The following NAV2 variants were observed in gnomAD, a reference collection of about 807,000 sequenced individuals.
NAV2 encodes the protein helicase, APC down-regulated 1.
A neutral mutation model predicts 223.2 loss-of-function variants in NAV2; 54 were observed. The observed-to-expected ratio is 0.24, with a 90% CI of 0.19 to 0.30. The LOEUF is 0.30. Ranked by LOEUF, NAV2 falls within the 10% of genes least tolerant of loss-of-function variation. The probability of loss-of-function intolerance (pLI) is 1.00; values close to 1 mark genes in which losing one functional copy is unlikely to be tolerated. For missense variants in NAV2, 2,806 were observed against 3,147.5 expected (o/e 0.89, Z 2.60); for synonymous variants, 1,279 against 1,239.3 (o/e 1.03, Z -0.67).
At chr11:19,469,504 G>A (rs891722177) in intron 1 of NAV2, among the ~76,000 whole-genome samples, 13 of 152,066 alleles carry the variant, frequency 8.5e-5, no homozygotes, top group Admixed American at 3.3e-4. Flanking sequence ...TGATCCACCA[G>A]AACCATTTTC....
chr11:19,574,521 A>G (rs546415904), intron 1 of NAV2, among the ~76,000 whole-genome samples: 1 of 152,266 alleles, frequency 6.6e-6, no homozygotes, highest in East Asian at 1.9e-4. Context: ...GTAATGAGCC[A>G]TCTTCCCAGG....
rs1359523670 is a variant in NAV2, at chr11:19,616,335, T to C, written c.76-216149T>C. ...GTGTGTGTGTGTGTGTGTGTGTGTGTGCGCGCGCATGATCTGTGGCTCTCT... is the reference window on the plus strand; with the variant it reads ...GTGTGTGTGTGTGTGTGTGTGTGTGCGCGCGCGCATGATCTGTGGCTCTCT... On this transcript the variant is annotated intron_variant, in intron 1 of 37. Transcript: ENST00000360655. Among the ~76,000 whole-genome samples, 602 of 148,384 alleles carry C rather than the reference T, an allele frequency of 4.1e-3. 7 individuals carry two copies. Among genetic ancestry groups the C allele is most frequent in the African/African-American group, 0.014 (576 of 40,248 alleles).
chr11:19,426,758 G>T (rs1384915308), intron 1 of NAV2, among the ~76,000 whole-genome samples: 2 of 152,126 alleles, frequency 1.3e-5, no homozygotes, highest in Middle Eastern at 3.4e-3. Context: ...CACAACTGCT[G>T]TTTTGGCAGG....
chr11:20,090,440 A>ATG (rs1001214519), intron 26 of NAV2, among the ~76,000 whole-genome samples: 1 of 152,182 alleles, frequency 6.6e-6, no homozygotes, highest in Non-Finnish European at 1.5e-5. Context: ...CAAAGAAAGA[A>ATG]TGTAGAGAAT....
At chr11:19,797,285 C>T (rs1158589734) in intron 1 of NAV2, among the ~76,000 whole-genome samples, 1 of 152,166 alleles carries the variant, frequency 6.6e-6, no homozygotes, top group Admixed American at 6.5e-5. Flanking sequence ...ATTCCTGAAT[C>T]TCAGGTGGTT....
intron 1 of NAV2, among the ~76,000 whole-genome samples, chr11:19,720,636 G>A (rs1201330915): frequency 6.6e-6 from 1 of 152,206 alleles, no homozygotes. Flanking sequence ...AGCTACTCAT[G>A]GCAATGTGGC....
intron 10 of NAV2, among the ~76,000 whole-genome samples, chr11:19,977,976 G>GA (rs2049935788): frequency 2.1e-5 from 2 of 93,098 alleles, no homozygotes; most frequent in African/African-American, 5.8e-5. Flanking sequence ...AGCTCATTTT[G>GA]TTTTTTTTTG....
intron 6 of NAV2, among the ~76,000 whole-genome samples, chr11:19,923,639 T>C (rs891184872): frequency 1.3e-5 from 2 of 152,212 alleles, no homozygotes; most frequent in African/African-American, 4.8e-5. Context: ...AGGATGTATT[T>C]ACAATAGTGT....
At chr11:19,518,672 C>G (rs2043541544) in intron 1 of NAV2, 1 of 152,222 alleles carries the variant, frequency 6.6e-6, no homozygotes, top group Non-Finnish European at 1.5e-5. Context: ...TAACATTCCT[C>G]TCATCTGATA....
Position 19,436,633 on chromosome 11 carries a change from G to A in NAV2, c.75+85606G>A, listed in dbSNP as rs113786504. The stretch of plus-strand genomic sequence containing the variant: ...CTGTGAAAAATGACATTGGAATTTT[G>A]ATAGGGATTTCATTGAATCTATAGA... On this transcript the variant is annotated intron_variant, in intron 1 of 37. Transcript: ENST00000360655. 3.9e-3 allele frequency among the ~76,000 whole-genome samples: 591 copies of A among 152,200 alleles called. 6 individuals are homozygous for A. Among genetic ancestry groups the A allele is most frequent in the African/African-American group, 0.013 (554 of 41,536 alleles).
rs75234412 is a variant in NAV2 at position 19,850,533 on chromosome 11, C to T, written c.438+7610C>T. On this transcript the variant is annotated intron_variant, in intron 3 of 37. Transcript: ENST00000349880. ...ATTATTCTGATTTCATTATCTACAGCTGAGCAGTGCTTTGAGCACTCAGTA... is the reference window on the plus strand; with the variant it reads ...ATTATTCTGATTTCATTATCTACAGTTGAGCAGTGCTTTGAGCACTCAGTA... Among the ~76,000 whole-genome samples, 1,105 of 152,278 alleles carry T rather than the reference C, an allele frequency of 7.3e-3. 14 individuals are homozygous for T. Among genetic ancestry groups the T allele is most frequent in the Non-Finnish European group, 0.013 (904 of 68,030 alleles).
At chr11:19,959,718 T>C (rs1360251480) in intron 10 of NAV2, among the ~76,000 whole-genome samples, 2 of 152,136 alleles carry the variant, frequency 1.3e-5, no homozygotes, top group African/African-American at 4.8e-5. Flanking sequence ...CCCCAAAGGG[T>C]AAGAAGCTAG....
intron 1 of NAV2, among the ~76,000 whole-genome samples, chr11:19,761,897 C>T (rs570243892): frequency 1.2e-3 from 187 of 152,180 alleles, no homozygotes; most frequent in Non-Finnish European, 2.5e-3. Context: ...GCATCCTTCC[C>T]CTGGTCTACT....
chr11:19,502,622 T>C (rs2042996158), intron 1 of NAV2: 1 of 152,188 alleles, frequency 6.6e-6, no homozygotes, highest in African/African-American at 2.4e-5. Context: ...GGGGCAAAGG[T>C]TGTTTCAGTT....
At chr11:19,452,328 G>A (rs1039448406) in intron 1 of NAV2, among the ~76,000 whole-genome samples, 1 of 152,184 alleles carries the variant, frequency 6.6e-6, no homozygotes, top group Non-Finnish European at 1.5e-5. Flanking sequence ...GACATATGGA[G>A]ACGAATGAGG....
intron 1 of NAV2, among the ~76,000 whole-genome samples, chr11:19,585,504 C>A (rs1239916783): frequency 2.0e-5 from 3 of 152,194 alleles, no homozygotes; most frequent in Admixed American, 6.5e-5. Flanking sequence ...CGTGTTTTTG[C>A]AGTGGCTGGT....
At chr11:19,697,900 C>T (rs372712467) in intron 1 of NAV2, among the ~76,000 whole-genome samples, 15 of 152,156 alleles carry the variant, frequency 9.9e-5, no homozygotes, top group Admixed American at 6.5e-4. Context: ...TGCTTTGACA[C>T]GTTATCGTAA....
At chr11:20,058,457 T>G (rs1451432132) in intron 19 of NAV2, among the ~76,000 whole-genome samples, 1 of 152,190 alleles carries the variant, frequency 6.6e-6, no homozygotes, top group Non-Finnish European at 1.5e-5. Context: ...AAAGTCAACT[T>G]TAATAGCGTA....
At chr11:19,621,073 G>A (rs2046979013) in intron 1 of NAV2, among the ~76,000 whole-genome samples, 1 of 152,152 alleles carries the variant, frequency 6.6e-6, no homozygotes, top group African/African-American at 2.4e-5. Flanking sequence ...TTATTGATTT[G>A]TGTATATGGA....
Sources: allele counts gnomAD v4.1 joint callset (sites outside exome capture counted in the v4.1 genomes callset), GRCh38; gene constraint gnomAD v4.1.1; transcripts MANE v1.5; gene names NCBI Gene and HGNC (gene_info 2026-07-23, HGNC 2026-07-21).